Variants in ABCA1 observed in about 807,000 individuals in gnomAD.
ABCA1 encodes ATP binding cassette subfamily A member 1.
A neutral mutation model predicts 262.5 loss-of-function variants in ABCA1; 133 were observed. The observed-to-expected ratio is 0.51, with a 90% CI of 0.44 to 0.59. The LOEUF (loss-of-function observed/expected upper bound fraction) is 0.59. ABCA1 is among the 20% of genes least tolerant of loss of function. ABCA1 has a pLI of 0.00. For missense variants in ABCA1, 2,452 were observed against 2,777.5 expected, an observed-to-expected ratio of 0.88 and a Z score of 2.63; for synonymous variants, 1,022 against 1,043.5, an observed-to-expected ratio of 0.98 and a Z score of 0.40.
At chr9:104,849,213 TA>T (rs1165827949) in intron 7 of ABCA1, among the ~76,000 whole-genome samples, 1 of 152,226 alleles carries the variant, frequency 6.6e-6, no homozygotes, top group Non-Finnish European at 1.5e-5. Flanking sequence ...CAGCAGGGCC[TA>T]AAGCATGACT....
At chr9:104,905,710 C>A in intron 1 of ABCA1, among the ~76,000 whole-genome samples, 1 of 152,212 alleles carries the variant, frequency 6.6e-6, no homozygotes, top group East Asian at 1.9e-4. Flanking sequence ...CAGGACAGAG[C>A]TTGCATTCCA....
At chr9:104,881,724 C>T (rs1838673046) in intron 5 of ABCA1, among the ~76,000 whole-genome samples, 1 of 152,086 alleles carries the variant, frequency 6.6e-6, no homozygotes, top group South Asian at 2.1e-4. Context: ...AGGGGCTCTC[C>T]AGTAAATAAG....
At chr9:104,812,930 T>C (rs1015821715) in intron 27 of ABCA1, among the ~76,000 whole-genome samples, 1 of 152,220 alleles carries the variant, frequency 6.6e-6, no homozygotes, top group African/African-American at 2.4e-5. Flanking sequence ...TGCCTTTCAG[T>C]CCTTGTCTGA....
In ABCA1 at chr9:104,804,606, C is replaced by T. The variant is rs1228956801; in HGVS notation, c.4559+20G>A. ...TAATTAGTAATAATACGGCAGGGGC[C>T]AAGTTTAGTAAAAAGTCACCTTTTG... On this transcript the variant is annotated intron_variant, in intron 32 of 49. Coordinates refer to ENST00000374736, the MANE Select transcript of ABCA1 (RefSeq NM_005502.4). The T allele has an allele frequency of 6.2e-7, 1 of 1,603,416 alleles. No individual in the cohort carries two copies. The highest frequency in any genetic ancestry group is 1.3e-5 in the African/African-American group (1 of 74,720).
chr9:104,869,177 T>C (rs1239916113), intron 5 of ABCA1, among the ~76,000 whole-genome samples: 2 of 152,066 alleles, frequency 1.3e-5, no homozygotes, highest in African/African-American at 2.4e-5. Context: ...GTCTTCTCTT[T>C]TGCTCAACAT....
intron 8 of ABCA1, 79 bp downstream of exon 8, chr9:104,845,398 G>C: frequency 1.0e-6 from 1 of 958,982 alleles, no homozygotes; most frequent in Non-Finnish European, 1.7e-6. Flanking sequence ...AACTCAAAAG[G>C]ACCTCTTGCC....
chr9:104,809,351 C>A, intron 30 of ABCA1, 115 bp downstream of exon 30: 20 of 1,006,586 alleles, frequency 2.0e-5, no homozygotes, highest in East Asian at 5.3e-5. Flanking sequence ...AATAATAATT[C>A]AAAGGGCAAA....
Position 104,793,180 on chromosome 9 carries a change from A to G in ABCA1, c.5627T>C (p.Ile1876Thr), listed in dbSNP as rs2118864450. 1.2e-6 allele frequency: 2 copies of G among 1,614,096 alleles called. No homozygotes were observed. The highest frequency in any genetic ancestry group is 2.2e-5 in the East Asian group (1 of 44,878). The change falls in exon 41 of 50, where the codon ATC (isoleucine) becomes ACC (threonine). Residue 1876 changes from isoleucine (I) to threonine (T), a missense_variant. Around this residue, in one of 4 missense-constraint regions of ABCA1, gnomAD observed 752 missense variants for 944.5 expected, o/e 0.80. Coordinates refer to ENST00000374736, the MANE Select transcript of ABCA1 (RefSeq NM_005502.4). ...ITVLIQYRFF[I>T]RPRPVNAKLS... ...CTAAGAAAAAGCTCACCTGGGCCTG[A>G]TGAAGAATCTGTACTGGATCAGAAC... is the stretch of plus-strand genomic sequence containing the variant.
chr9:104,783,898 T>C lies in ABCA1; in HGVS notation c.*417A>G, dbSNP rs561319670. The C allele has an allele frequency of 5.7e-5, 10 of 175,936 alleles. No individual in the cohort carries two copies. The highest frequency in any genetic ancestry group is 2.4e-4 in the African/African-American group (10 of 41,818). The allele number at this position is 175,936 out of a possible 1,614,324, so 10.9% of individuals were successfully genotyped here. On this transcript the variant is annotated 3_prime_UTR_variant, in exon 50 of 50. Transcript: ENST00000374736. ...CCTGGGCATGGCATGGCTTAGTGAA[T>C]GAGGATGTGCATTACCTTTTGATTT...
At chr9:104,786,421 TAG>T (rs1828936606) in intron 47 of ABCA1, 31 bp from the exon 48 acceptor site, 1 of 1,583,096 alleles carries the variant, frequency 6.3e-7, no homozygotes, top group Non-Finnish European at 8.7e-7. Flanking sequence ...GTTTTAGTTT[TAG>T]AGAGATTCTC....
chr9:104,877,360 A>T (rs898499964), intron 5 of ABCA1, among the ~76,000 whole-genome samples: 1 of 152,162 alleles, frequency 6.6e-6, no homozygotes, highest in Non-Finnish European at 1.5e-5. Context: ...TGCACCCACT[A>T]CTGTGCTGGG....
intron 1 of ABCA1, among the ~76,000 whole-genome samples, chr9:104,907,512 T>C (rs1841235824): frequency 6.6e-6 from 1 of 152,150 alleles, no homozygotes; most frequent in Admixed American, 6.5e-5. Flanking sequence ...AAGAGACGGA[T>C]AGGAGAAATA....
rs777081756 is a variant in ABCA1, at chr9:104,907,124, C to G, written c.-92-3353G>C. ...GACTCCAGCCTACTCTCTTGCCACTCCCCACCTGCTAAGCAATGCCCTGGA... is the reference window on the plus strand; with the variant it reads ...GACTCCAGCCTACTCTCTTGCCACTGCCCACCTGCTAAGCAATGCCCTGGA... On this transcript the variant is annotated intron_variant, in intron 1 of 49. Transcript: ENST00000374736. 1.6e-3 allele frequency among the ~76,000 whole-genome samples: 248 copies of G among 152,322 alleles called. 3 individuals are homozygous for G. Among genetic ancestry groups the G allele is most frequent in the Middle Eastern group, 3.4e-3 (1 of 294 alleles).
At chr9:104,823,437 T>C (rs931752224) in intron 18 of ABCA1, among the ~76,000 whole-genome samples, 3 of 152,374 alleles carry the variant, frequency 2.0e-5, no homozygotes, top group African/African-American at 7.2e-5. Flanking sequence ...CACATGCTGC[T>C]ACCATTGGGG....
chr9:104,832,788 A>T lies in ABCA1; in HGVS notation c.1312-17T>A. ...CAACAGCATCTGCCATTCCAGTGAG[A>T]AAGTACAAGTAGTAAACACCAACTA... On this transcript the variant is annotated splice_polypyrimidine_tract_variant and intron_variant, in intron 11 of 49. Coordinates refer to ENST00000374736, the MANE Select transcript of ABCA1 (RefSeq NM_005502.4). The T allele has an allele frequency of 6.2e-7, 1 of 1,613,288 alleles. No homozygotes were observed. The highest frequency in any genetic ancestry group is 1.1e-5 in the South Asian group (1 of 91,074).
chr9:104,851,405 TC>T (rs1255451367), intron 7 of ABCA1, among the ~76,000 whole-genome samples: 2 of 152,186 alleles, frequency 1.3e-5, no homozygotes, highest in East Asian at 3.9e-4. Context: ...TCGTTCCTTC[TC>T]CCATCAAACT....
chr9:104,786,258 T>A (rs1413833337), intron 48 of ABCA1, 40 bp downstream of exon 48: 2 of 1,492,052 alleles, frequency 1.3e-6, no homozygotes, highest in Non-Finnish European at 1.9e-6. Flanking sequence ...ATATCAAGCC[T>A]TCTCACTAGG....
At chr9:104,800,117 T>C in intron 35 of ABCA1, 129 bp from the exon 36 acceptor site, 3 of 1,008,320 alleles carry the variant, frequency 3.0e-6, no homozygotes, top group East Asian at 2.4e-5. Flanking sequence ...CAAAACACTA[T>C]GATCAGAGAA....
rs9282538 is a variant in ABCA1 at position 104,858,591 on chromosome 9, T to C, written c.651A>G (p.Leu217=). Residue 217 remains leucine, a synonymous_variant, in exon 7 of 50, where the codon CTA becomes CTG. Transcript: ENST00000374736. ...CTGCTGCAGCCAGTTTCTCCCTTGG[T>C]AGGCCACAAAGCTCAGAAACTTCTT... ...GDQEVSELCG[L]PREKLAAAER... is the part of the protein sequence containing the mutation. 6.6e-4 allele frequency: 1,061 copies of C among 1,614,204 alleles called. 5 individuals are homozygous for C. In the African/African-American group the frequency reaches 0.013, roughly 20 times the overall value.
Sources: allele counts gnomAD v4.1 joint callset (sites outside exome capture counted in the v4.1 genomes callset), GRCh38; gene constraint gnomAD v4.1.1; regional missense constraint gnomAD v4.1.1; transcripts MANE v1.5; gene names NCBI Gene and HGNC (gene_info 2026-07-23, HGNC 2026-07-21).